WDPCP: variants seen among roughly 807,000 people sequenced by gnomAD.
The protein encoded by WDPCP is WD repeat-containing and planar cell polarity effector protein fritz homolog.
In WDPCP, 71 loss-of-function variants were observed where a neutral mutation model predicts 93.1. That is an observed-to-expected ratio of 0.76 (90% confidence interval 0.63 to 0.93). The LOEUF (loss-of-function observed/expected upper bound fraction) is 0.93. Among genes scored for constraint, WDPCP ranks in the 40% least tolerant of loss-of-function variants. The pLI, the probability that WDPCP is intolerant of heterozygous loss-of-function variation, is 0.00. For synonymous variants in WDPCP, 315 were observed against 315.0 expected (o/e 1.00, Z 0.00); for missense variants, 844 against 887.4 (o/e 0.95, Z 0.62).
chr2:63,808,044 C>A (rs1469545691), intron 2 of WDPCP, among the ~76,000 whole-genome samples: 2 of 152,094 alleles, frequency 1.3e-5, no homozygotes, highest in African/African-American at 4.8e-5. Flanking sequence ...TACATAAAAT[C>A]TGGAGAAATT....
chr2:63,822,493 A>C (rs77801393), intron 1 of WDPCP, among the ~76,000 whole-genome samples: 27,515 of 152,206 alleles, frequency 0.18, 2,789 homozygotes, highest in Middle Eastern at 0.26. Context: ...TTACTTTATT[A>C]TATGAATAAC....
At chr2:63,307,135 A>G (rs554688857) in intron 13 of WDPCP, among the ~76,000 whole-genome samples, 8 of 152,334 alleles carry the variant, frequency 5.3e-5, no homozygotes, top group Admixed American at 2.0e-4. Flanking sequence ...ACTCCCATTC[A>G]TAATTGCTAC....
intron 1 of WDPCP, among the ~76,000 whole-genome samples, chr2:63,533,398 G>A (rs147119512): frequency 0.033 from 4,962 of 152,210 alleles, 140 homozygotes; most frequent in Non-Finnish European, 0.048. Context: ...CAGATCAACA[G>A]AATACACATT....
intron 13 of WDPCP, among the ~76,000 whole-genome samples, chr2:63,309,083 G>A (rs1244801879): frequency 6.6e-6 from 1 of 152,214 alleles, no homozygotes; most frequent in African/African-American, 2.4e-5. Context: ...CATAAAGATG[G>A]AAATAACAGA....
chr2:63,570,384 GAT>G (rs1707394614), intron 1 of WDPCP, among the ~76,000 whole-genome samples: 1 of 152,170 alleles, frequency 6.6e-6, no homozygotes, highest in South Asian at 2.1e-4. Context: ...AGAATAGCCT[GAT>G]TTTTCTATCC....
At chr2:63,698,352 G>A (rs1668991981) in intron 2 of WDPCP, among the ~76,000 whole-genome samples, 1 of 152,160 alleles carries the variant, frequency 6.6e-6, no homozygotes, top group Non-Finnish European at 1.5e-5. Context: ...CCTATGGAAA[G>A]CTTTCAAAGG....
chr2:63,247,685 A>C (rs992746088), intron 14 of WDPCP, among the ~76,000 whole-genome samples: 2 of 151,580 alleles, frequency 1.3e-5, no homozygotes, highest in African/African-American at 2.4e-5. Flanking sequence ...AAAAAAAAAA[A>C]AAAACACCAC....
rs556124924 is a variant in WDPCP, at chr2:63,708,108, C to T, written n.309-57270G>A. Among the ~76,000 whole-genome samples the T allele has an allele frequency of 7.8e-4, 119 of 152,334 alleles. No individual in the cohort carries two copies. The Middle Eastern group carries it at 0.01, about 13-fold the overall frequency. ...CTTGAGGAGGCAGTCTGTCCATTCT[C>T]AGATCTCAAGCTGTGTGCTGGGAGA... On this transcript the variant is annotated intron_variant and non_coding_transcript_variant, in intron 2 of 4. Transcript: ENST00000467687.
At chr2:63,767,032 T>C (rs1384594250) in intron 2 of WDPCP, among the ~76,000 whole-genome samples, 1 of 151,994 alleles carries the variant, frequency 6.6e-6, no homozygotes, top group Non-Finnish European at 1.5e-5. Flanking sequence ...AGACAACCAC[T>C]GATTTGTTTT....
chr2:63,363,603 A>G (rs1044865972), intron 12 of WDPCP, among the ~76,000 whole-genome samples: 30 of 152,144 alleles, frequency 2.0e-4, no homozygotes, highest in African/African-American at 7.2e-4. Context: ...CAAAAAATAT[A>G]TAGAGTATTA....
chr2:63,248,459 C>T (rs1680460534), intron 14 of WDPCP, among the ~76,000 whole-genome samples: 1 of 152,078 alleles, frequency 6.6e-6, no homozygotes, highest in African/African-American at 2.4e-5. Context: ...TTTGTGGATC[C>T]ATGTATTTCC....
At chr2:63,321,377 A>G (rs533520368) in intron 12 of WDPCP, among the ~76,000 whole-genome samples, 103 of 149,576 alleles carry the variant, frequency 6.9e-4, no homozygotes, top group African/African-American at 2.4e-3. Flanking sequence ...ATAGACATAT[A>G]TATACACTCT....
intron 14 of WDPCP, among the ~76,000 whole-genome samples, chr2:63,235,801 C>T (rs1679338752): frequency 6.6e-6 from 1 of 152,112 alleles, no homozygotes; most frequent in African/African-American, 2.4e-5. Context: ...CAACATCCTT[C>T]TTGATAAAAA....
intron 1 of WDPCP, among the ~76,000 whole-genome samples, chr2:63,565,164 G>A (rs1389521860): frequency 1.3e-5 from 2 of 152,108 alleles, no homozygotes; most frequent in African/African-American, 4.8e-5. Flanking sequence ...GTCATGAAAA[G>A]GCTGAACACA....
At chr2:63,363,140 T>C (rs574646974) in intron 12 of WDPCP, among the ~76,000 whole-genome samples, 25 of 152,106 alleles carry the variant, frequency 1.6e-4, no homozygotes, top group African/African-American at 4.1e-4. Flanking sequence ...ATTCAAACAA[T>C]ACAAGAAGCA....
chr2:63,213,790 A>G (rs1677056255), intron 14 of WDPCP, among the ~76,000 whole-genome samples: 1 of 152,220 alleles, frequency 6.6e-6, no homozygotes, highest in Non-Finnish European at 1.5e-5. Flanking sequence ...TAAAGGGGAT[A>G]TCAACACCGA....
chr2:63,746,756 C>G (rs1358710407), intron 2 of WDPCP, among the ~76,000 whole-genome samples: 1 of 152,106 alleles, frequency 6.6e-6, no homozygotes, highest in Admixed American at 6.6e-5. Flanking sequence ...GCTCTTGAAC[C>G]CTGTTAAGAT....
chr2:63,805,607 A>T (rs78833617), intron 2 of WDPCP, among the ~76,000 whole-genome samples: 27,107 of 152,134 alleles, frequency 0.18, 3,170 homozygotes, highest in Non-Finnish European at 0.24. Context: ...TCAGAGTGCT[A>T]CTACTCTGGG....
At chr2:63,496,900 C>T (rs1314873298) in intron 1 of WDPCP, among the ~76,000 whole-genome samples, 4 of 151,960 alleles carry the variant, frequency 2.6e-5, no homozygotes, top group African/African-American at 9.6e-5. Context: ...TCACTTGAGA[C>T]CAAGAGTTCG....
Sources: allele counts gnomAD v4.1 joint callset (sites outside exome capture counted in the v4.1 genomes callset), GRCh38; gene constraint gnomAD v4.1.1; transcripts MANE v1.5; gene names NCBI Gene and HGNC (gene_info 2026-07-23, HGNC 2026-07-21).